LRBA: variants seen among roughly 807,000 people sequenced by gnomAD.
LRBA encodes lipopolysaccharide-responsive and beige-like anchor protein.
LRBA carries 176 observed loss-of-function variants against 330.0 expected under a neutral mutation model. The observed-to-expected ratio is 0.53, with a 90% CI of 0.47 to 0.60. The LOEUF (loss-of-function observed/expected upper bound fraction) is 0.60. Among genes scored for constraint, LRBA ranks in the 20% least tolerant of loss-of-function variants. The pLI, the probability that LRBA is intolerant of heterozygous loss-of-function variation, is 0.00. For missense variants in LRBA, 3,259 were observed against 3,444.8 expected, an observed-to-expected ratio of 0.95 and a Z score of 1.35; for synonymous variants, 1,230 against 1,193.0, an observed-to-expected ratio of 1.03 and a Z score of -0.64.
At chr4:150,828,140 G>A in intron 30 of LRBA, 40 bp downstream of exon 30, 2 of 1,582,628 alleles carry the variant, frequency 1.3e-6, no homozygotes, top group Non-Finnish European at 1.7e-6. Context: ...TCAAGGGTCA[G>A]ATGTAGAAAC....
intron 40 of LRBA, among the ~76,000 whole-genome samples, chr4:150,499,190 A>G (rs564414596): frequency 1.3e-5 from 2 of 152,320 alleles, no homozygotes; most frequent in Admixed American, 6.5e-5. Flanking sequence ...TTTCTTCAAA[A>G]TATTTATATT....
intron 52 of LRBA, among the ~76,000 whole-genome samples, chr4:150,308,143 A>G (rs895540077): frequency 6.6e-6 from 1 of 152,218 alleles, no homozygotes; most frequent in African/African-American, 2.4e-5. Context: ...AATTCCTACA[A>G]CATTAAATAA....
At chr4:151,001,269 T>C (rs1743293454) in intron 2 of LRBA, among the ~76,000 whole-genome samples, 1 of 152,118 alleles carries the variant, frequency 6.6e-6, no homozygotes, top group South Asian at 2.1e-4. Context: ...CGACCTAGGC[T>C]GCCACCATTA....
intron 42 of LRBA, 103 bp downstream of exon 42, chr4:150,487,629 G>C: frequency 1.9e-6 from 1 of 519,154 alleles, no homozygotes; most frequent in African/African-American, 1.9e-5. Context: ...AAATAAGTGA[G>C]AACATTAATA....
At chr4:150,475,729 T>A (rs1025867371) in intron 42 of LRBA, among the ~76,000 whole-genome samples, 3 of 148,080 alleles carry the variant, frequency 2.0e-5, no homozygotes, top group African/African-American at 7.6e-5. Flanking sequence ...ACCCTATCTC[T>A]ATAAAAAAAA....
chr4:150,475,831 G>A (rs889074569), intron 42 of LRBA, among the ~76,000 whole-genome samples: 2 of 151,780 alleles, frequency 1.3e-5, no homozygotes, highest in Admixed American at 6.6e-5. Flanking sequence ...TTGAGCCCAG[G>A]AGTTTGAAGC....
chr4:151,015,676 TGTC>T (rs1474956682), upstream of LRBA: 1 of 152,164 alleles, frequency 6.6e-6, no homozygotes, highest in Non-Finnish European at 1.5e-5. Context: ...GTCGCGCGGC[TGTC>T]GTGTGCCCAC....
chr4:150,856,619 G>T (rs923191318), intron 22 of LRBA, among the ~76,000 whole-genome samples: 14 of 152,150 alleles, frequency 9.2e-5, no homozygotes, highest in Admixed American at 3.3e-4. Context: ...TTTTAAATTT[G>T]CCCTTAATTT....
At chr4:150,848,386 C>A (rs1397574039) in intron 26 of LRBA, among the ~76,000 whole-genome samples, 1 of 151,808 alleles carries the variant, frequency 6.6e-6, no homozygotes, top group African/African-American at 2.4e-5. Context: ...TTTTTAATCA[C>A]CTTAAGTTTA....
rs1553994424 is a variant in LRBA, at chr4:150,302,629, T to G, written c.8013A>C (p.Pro2671=). 6.2e-7 allele frequency: 1 copy of G among 1,603,622 alleles called. No individual in the cohort carries two copies. Among genetic ancestry groups the G allele is most frequent in the Non-Finnish European group, 8.5e-7 (1 of 1,174,292 alleles). The change falls in exon 53 of 57, where the codon CCA becomes CCC. Residue 2671 remains proline (P), a synonymous_variant. Transcript: ENST00000651943. ...TAAAAAATGAGTCATACTTACTGCC[T>G]GGGTTATCTCCAATCCCACTGCATT... The part of the protein sequence containing the change: ...NGKCSGIGDN[P]GSETAAPRAI...
intron 37 of LRBA, among the ~76,000 whole-genome samples, chr4:150,657,407 C>T (rs927711790): frequency 6.6e-6 from 1 of 152,004 alleles, no homozygotes; most frequent in Non-Finnish European, 1.5e-5. Context: ...CATGTGTAAG[C>T]ATTTAACATT....
At chr4:150,898,060 T>C (rs1730303678) in intron 14 of LRBA, among the ~76,000 whole-genome samples, 1 of 152,018 alleles carries the variant, frequency 6.6e-6, no homozygotes, top group Non-Finnish European at 1.5e-5. Context: ...AGTTTGTACT[T>C]TGAATAGGTC....
chr4:150,352,479 A>G (rs761774419), intron 47 of LRBA, among the ~76,000 whole-genome samples: 17 of 152,226 alleles, frequency 1.1e-4, no homozygotes, highest in Non-Finnish European at 2.4e-4. Context: ...TAAATGAAAT[A>G]TGCCTTAAAA....
chr4:150,768,123 G>T (rs191959465), intron 34 of LRBA, among the ~76,000 whole-genome samples: 1 of 150,304 alleles, frequency 6.7e-6, no homozygotes, highest in African/African-American at 2.5e-5. Flanking sequence ...AGTGACTTCA[G>T]GTTAAACATA....
intron 37 of LRBA, among the ~76,000 whole-genome samples, chr4:150,632,648 TCTCTCTCATGTGTA>T (rs1183993028): frequency 6.6e-6 from 1 of 151,958 alleles, no homozygotes; most frequent in Non-Finnish European, 1.5e-5. Flanking sequence ...TCCTCCTATC[TCTCTCTCATGTGTA>T]CTCTCTCATG....
At chr4:150,279,031 G>C (rs1441616151) in intron 55 of LRBA, among the ~76,000 whole-genome samples, 1 of 152,090 alleles carries the variant, frequency 6.6e-6, no homozygotes, top group Non-Finnish European at 1.5e-5. Context: ...CACCATGTTG[G>C]TCAGGCTGGT....
chr4:150,476,186 C>T (rs1343048956), intron 42 of LRBA, among the ~76,000 whole-genome samples: 1 of 152,142 alleles, frequency 6.6e-6, no homozygotes, highest in African/African-American at 2.4e-5. Flanking sequence ...ACAGTAGAAG[C>T]ATAGGTTATT....
chr4:150,807,451 G>A (rs1175404687), intron 32 of LRBA, among the ~76,000 whole-genome samples: 1 of 152,104 alleles, frequency 6.6e-6, no homozygotes, highest in Non-Finnish European at 1.5e-5. Context: ...TTTCCCAATT[G>A]TGGTAAAGAA....
chr4:150,838,853 G>A (rs886351528), intron 28 of LRBA, among the ~76,000 whole-genome samples: 2 of 152,116 alleles, frequency 1.3e-5, no homozygotes, highest in Non-Finnish European at 2.9e-5. Flanking sequence ...CGTTCCTTTG[G>A]AGGGGGAGAG....
Sources: allele counts gnomAD v4.1 joint callset (sites outside exome capture counted in the v4.1 genomes callset), GRCh38; gene constraint gnomAD v4.1.1; transcripts MANE v1.5; gene names NCBI Gene and HGNC (gene_info 2026-07-23, HGNC 2026-07-21).